Variants in RBFOX1 observed in about 807,000 individuals in gnomAD.
RBFOX1 encodes the protein RNA binding protein fox-1 homolog 1.
In RBFOX1, 8 loss-of-function variants were observed where a neutral mutation model predicts 57.7. The ratio of observed to expected loss-of-function variants is 0.14; its 90% confidence interval spans 0.08 to 0.25. The LOEUF (loss-of-function observed/expected upper bound fraction) is 0.25, where lower values mean the gene tolerates loss of function less well. Among genes scored for constraint, RBFOX1 ranks in the 10% least tolerant of loss-of-function variants. The probability of loss-of-function intolerance (pLI) is 1.00; values close to 1 mark genes in which losing one functional copy is unlikely to be tolerated. For missense variants in RBFOX1, 611 were observed against 548.5 expected, an observed-to-expected ratio of 1.11 and a Z score of -1.14; for synonymous variants, 326 against 222.4, an observed-to-expected ratio of 1.47 and a Z score of -4.15.
intron 4 of RBFOX1, among the ~76,000 whole-genome samples, chr16:5,983,580 G>A (rs971400499): frequency 6.6e-6 from 1 of 152,186 alleles, no homozygotes; most frequent in Non-Finnish European, 1.5e-5. Flanking sequence ...ACCCTGGGCA[G>A]GAGGATGGCT....
chr16:6,786,694 A>G (rs1173801979), intron 3 of RBFOX1, among the ~76,000 whole-genome samples: 1 of 152,142 alleles, frequency 6.6e-6, no homozygotes, highest in Non-Finnish European at 1.5e-5. Context: ...TTTTCCCTGA[A>G]TGGGGACCCT....
intron 4 of RBFOX1, among the ~76,000 whole-genome samples, chr16:5,936,558 C>G (rs2059172675): frequency 6.6e-6 from 1 of 152,152 alleles, no homozygotes; most frequent in African/African-American, 2.4e-5. Context: ...GTGTTTTGCT[C>G]TAGACCAGGG....
chr16:6,716,070 A>T (rs62015933), intron 3 of RBFOX1, among the ~76,000 whole-genome samples: 2 of 152,190 alleles, frequency 1.3e-5, no homozygotes, highest in Admixed American at 1.3e-4. Flanking sequence ...GTTGTACATG[A>T]TGGCCCTGGT....
intron 3 of RBFOX1, among the ~76,000 whole-genome samples, chr16:6,725,880 G>C (rs545664537): frequency 5.3e-5 from 8 of 152,272 alleles, no homozygotes; most frequent in Admixed American, 5.2e-4. Flanking sequence ...TGATTTATCA[G>C]AGATGATACT....
intron 1 of RBFOX1, among the ~76,000 whole-genome samples, chr16:6,112,131 G>T (rs758068414): frequency 1.5e-4 from 23 of 152,158 alleles, no homozygotes; most frequent in Non-Finnish European, 3.1e-4. Context: ...AGACCAATTA[G>T]CTAGCTGGAG....
At chr16:6,542,297 C>G (rs546352754) in intron 2 of RBFOX1, among the ~76,000 whole-genome samples, 5 of 152,048 alleles carry the variant, frequency 3.3e-5, no homozygotes, top group Admixed American at 6.5e-5. Flanking sequence ...TTATCTGTTT[C>G]TTTTCTCTTT....
chr16:5,465,814 T>C (rs2068935029), intron 1 of RBFOX1, among the ~76,000 whole-genome samples: 1 of 152,248 alleles, frequency 6.6e-6, no homozygotes, highest in African/African-American at 2.4e-5. Flanking sequence ...ACTCAGCAAG[T>C]GGAGTCCCGT....
At chr16:6,193,946 G>T (rs1039825316) in intron 1 of RBFOX1, among the ~76,000 whole-genome samples, 2 of 152,060 alleles carry the variant, frequency 1.3e-5, no homozygotes, top group Non-Finnish European at 2.9e-5. Flanking sequence ...TCTGACCTCC[G>T]CCTCTTGGCT....
chr16:6,872,060 C>T (rs998493299), intron 3 of RBFOX1, among the ~76,000 whole-genome samples: 1 of 151,704 alleles, frequency 6.6e-6, no homozygotes, highest in African/African-American at 2.4e-5. Flanking sequence ...GAAAGCCTCT[C>T]AGTTACATAC....
intron 4 of RBFOX1, among the ~76,000 whole-genome samples, chr16:5,873,689 G>A (rs192199536): frequency 6.6e-6 from 1 of 152,194 alleles, no homozygotes; most frequent in Non-Finnish European, 1.5e-5. Flanking sequence ...AAATGCTGTA[G>A]TTTCACTTGT....
At chr16:6,756,096 TA>T (rs1490396228) in intron 3 of RBFOX1, among the ~76,000 whole-genome samples, 2 of 152,196 alleles carry the variant, frequency 1.3e-5, no homozygotes, top group Admixed American at 1.3e-4. Flanking sequence ...TTGCAAGTTT[TA>T]TTTGGTCATT....
At chr16:5,739,024 A>C (rs2052681562) in intron 3 of RBFOX1, among the ~76,000 whole-genome samples, 1 of 152,202 alleles carries the variant, frequency 6.6e-6, no homozygotes, top group African/African-American at 2.4e-5. Context: ...CTGAATCTCA[A>C]GTTTAGAAAA....
At chr16:7,148,863 A>G (rs989952697) in intron 4 of RBFOX1, among the ~76,000 whole-genome samples, 1 of 152,020 alleles carries the variant, frequency 6.6e-6, no homozygotes, top group African/African-American at 2.4e-5. Context: ...GGTCACCATC[A>G]CCTTTTTCAT....
chr16:6,902,648 G>A (rs554268963), intron 3 of RBFOX1, among the ~76,000 whole-genome samples: 1 of 152,142 alleles, frequency 6.6e-6, no homozygotes, highest in South Asian at 2.1e-4. Flanking sequence ...CTTGAACCCA[G>A]GAGGCAGAGG....
chr16:5,846,625 C>G lies in RBFOX1; in HGVS notation c.319-20678C>G, dbSNP rs903838361. 5.3e-5 allele frequency among the ~76,000 whole-genome samples: 8 copies of G among 152,322 alleles called. No individual in the cohort carries two copies. In the East Asian group the frequency reaches 1.5e-3, roughly 29 times the overall value. On this transcript the variant is annotated intron_variant, in intron 3 of 19. Coordinates refer to the RBFOX1 transcript ENST00000641259. ...TGAGACCCAACCCTGTCCCAAGGAA[C>G]AGCAAGACCCTGCTTCTCTCCACCA...
At chr16:6,974,283 T>G (rs1021106895) in intron 3 of RBFOX1, among the ~76,000 whole-genome samples, 4 of 152,012 alleles carry the variant, frequency 2.6e-5, no homozygotes, top group Non-Finnish European at 4.4e-5. Context: ...TGGTGTCATT[T>G]TAGTAAATAA....
intron 10 of RBFOX1, among the ~76,000 whole-genome samples, chr16:7,612,490 G>T (rs2057703586): frequency 6.6e-6 from 1 of 151,800 alleles, no homozygotes; most frequent in African/African-American, 2.4e-5. Flanking sequence ...CCCAGTAGCA[G>T]GCCTCATGTT....
At chr16:6,803,319 T>C (rs1382319174) in intron 3 of RBFOX1, among the ~76,000 whole-genome samples, 2 of 152,114 alleles carry the variant, frequency 1.3e-5, no homozygotes, top group Admixed American at 1.3e-4. Context: ...TCCTTAGTCA[T>C]TGGAAGCAGA....
At position 6,630,125 on chromosome 16, in the gene RBFOX1, T is replaced by C. The variant is rs544421298; in HGVS notation, c.-63-24478T>C. Among the ~76,000 whole-genome samples, 3 of 152,252 alleles carry C rather than the reference T, an allele frequency of 2.0e-5. No individual in the cohort carries two copies. The South Asian group carries it at 6.2e-4, about 32-fold the overall frequency. On this transcript the variant is annotated intron_variant, in intron 2 of 15. Transcript: ENST00000550418. ...CTAAGCTTCTGTGCTTGACATCTCA[T>C]TATTTTACTCAGCTACTTCAGCATC...
Sources: allele counts gnomAD v4.1 joint callset (sites outside exome capture counted in the v4.1 genomes callset), GRCh38; gene constraint gnomAD v4.1.1; transcripts MANE v1.5; gene names NCBI Gene and HGNC (gene_info 2026-07-23, HGNC 2026-07-21).